The following ARHGEF7 variants were observed in gnomAD, a reference collection of about 807,000 sequenced individuals.
ARHGEF7 encodes the protein PAK-interacting exchange factor beta.
In ARHGEF7, 33 loss-of-function variants were observed where a neutral mutation model predicts 109.8. That is an observed-to-expected ratio of 0.30 (90% confidence interval 0.23 to 0.40). The LOEUF is 0.40. ARHGEF7 is among the 10% of genes least tolerant of loss of function. The pLI, the probability that ARHGEF7 is intolerant of heterozygous loss-of-function variation, is 1.00. For missense variants in ARHGEF7, 938 were observed against 1,098.5 expected, an observed-to-expected ratio of 0.85 and a Z score of 2.07; for synonymous variants, 458 against 424.6, an observed-to-expected ratio of 1.08 and a Z score of -0.97.
At chr13:111,206,323 A>G (rs944155872) in intron 3 of ARHGEF7, among the ~76,000 whole-genome samples, 1 of 151,908 alleles carries the variant, frequency 6.6e-6, no homozygotes, top group Non-Finnish European at 1.5e-5. Context: ...CGGAGGCTTC[A>G]TCGGTGGTGC....
chr13:111,166,753 A>G (rs1427649402), intron 2 of ARHGEF7, among the ~76,000 whole-genome samples: 2 of 152,230 alleles, frequency 1.3e-5, no homozygotes, highest in Non-Finnish European at 1.5e-5. Flanking sequence ...CTCCATCAGG[A>G]TATCTGTGAG....
In ARHGEF7 at chr13:111,301,196, G is replaced by A. The variant is rs1242061536; in HGVS notation, c.2412-282G>A. On this transcript the variant is annotated intron_variant, in intron 20 of 21. Coordinates refer to ENST00000646102, the MANE Select transcript of ARHGEF7 (RefSeq NM_001354046.2). ...ACTCCTGACCTCAGGTGATCTGCCCGCCTCGGCCTCCCAAAATGCTGGGAT... is the reference window on the plus strand; with the variant it reads ...ACTCCTGACCTCAGGTGATCTGCCCACCTCGGCCTCCCAAAATGCTGGGAT... Among the ~76,000 whole-genome samples the A allele has an allele frequency of 3.3e-5, 5 of 152,238 alleles. No homozygotes were observed. In the South Asian group the frequency reaches 8.3e-4, roughly 25 times the overall value.
chr13:111,191,201 G>A lies in ARHGEF7; in HGVS notation c.253-14088G>A, dbSNP rs530186603. On this transcript the variant is annotated intron_variant, in intron 2 of 21. Transcript: ENST00000646102. The stretch of plus-strand genomic sequence containing the variant: ...GTGGACAAGCCGTCCGCATGGAGCT[G>A]TTTGGGTGACTTGGAAGTTACTATG... Among the ~76,000 whole-genome samples, 165 of 152,272 alleles carry A rather than the reference G, an allele frequency of 1.1e-3. No homozygotes were observed. The Middle Eastern group carries it at 0.014, about 13-fold the overall frequency.
chr13:111,170,764 C>A (rs889460945), intron 2 of ARHGEF7, among the ~76,000 whole-genome samples: 1 of 152,126 alleles, frequency 6.6e-6, no homozygotes, highest in Non-Finnish European at 1.5e-5. Context: ...GTGCCCAGGC[C>A]CCTGGAAGCA....
At chr13:111,180,660 C>T (rs529519493) in intron 2 of ARHGEF7, among the ~76,000 whole-genome samples, 1 of 152,242 alleles carries the variant, frequency 6.6e-6, no homozygotes, top group Admixed American at 6.5e-5. Flanking sequence ...TACTAGGTGG[C>T]AGAGTTGGTA....
rs1402597320 is a variant in ARHGEF7 at position 111,305,458 on chromosome 13, G to A, written c.*2345G>A. 1 of 152,268 alleles carries A rather than the reference G, an allele frequency of 6.6e-6. No homozygotes were observed. Among genetic ancestry groups the A allele is most frequent in the African/African-American group, 2.4e-5 (1 of 41,458 alleles). The allele number at this position is 152,268 out of a possible 1,614,324, so 9.4% of individuals were successfully genotyped here. A position where few individuals can be genotyped will look rare whatever the true frequency, so the allele number is the denominator to read the frequency against. ...TGAAGCACTTTCAGTTTTCAGCGAT[G>A]TTGGAATGTAGCATCAGAAGCTCGT... On this transcript the variant is annotated 3_prime_UTR_variant, in exon 22 of 22. Transcript: ENST00000646102.
chr13:111,117,923 G>A (rs2153308356), intron 1 of ARHGEF7, among the ~76,000 whole-genome samples: 1 of 152,360 alleles, frequency 6.6e-6, no homozygotes. Flanking sequence ...AAGCACACAT[G>A]CTGAATAACT....
At chr13:111,141,926 C>A (rs2075368211) in intron 1 of ARHGEF7, among the ~76,000 whole-genome samples, 1 of 152,230 alleles carries the variant, frequency 6.6e-6, no homozygotes, top group Non-Finnish European at 1.5e-5. Context: ...AGTGGCTGCA[C>A]CATTTTGCAT....
At chr13:111,195,572 G>A (rs1415604992) in intron 2 of ARHGEF7, among the ~76,000 whole-genome samples, 1 of 152,210 alleles carries the variant, frequency 6.6e-6, no homozygotes, top group Middle Eastern at 3.2e-3. Flanking sequence ...TGTACACGGG[G>A]CTCAGTGAGG....
chr13:111,132,100 T>C (rs764895792), intron 1 of ARHGEF7, among the ~76,000 whole-genome samples: 4 of 152,206 alleles, frequency 2.6e-5, no homozygotes, highest in Non-Finnish European at 4.4e-5. Flanking sequence ...TGATCTTCAG[T>C]GAGGGTCAGC....
At chr13:111,221,156 T>G (rs1373870206) in intron 5 of ARHGEF7, among the ~76,000 whole-genome samples, 1 of 93,488 alleles carries the variant, frequency 1.1e-5, no homozygotes, top group African/African-American at 4.3e-5. Context: ...TATAGATATA[T>G]ATGTCTATAT....
chr13:111,274,840 T>C (rs781712171), intron 11 of ARHGEF7, 50 bp downstream of exon 11: 5 of 1,209,052 alleles, frequency 4.1e-6, no homozygotes, highest in Non-Finnish European at 5.5e-6. Context: ...TTGTGACAAA[T>C]GAATGTAAAA....
At chr13:111,218,001 G>A in intron 5 of ARHGEF7, 121 bp downstream of exon 5, 3 of 1,036,252 alleles carry the variant, frequency 2.9e-6, no homozygotes, top group South Asian at 2.1e-5. Context: ...TTAGGATACA[G>A]TTTTTTGTTA....
Position 111,242,412 on chromosome 13 carries a change from A to G in ARHGEF7, c.760-1460A>G, listed in dbSNP as rs535878355. ...AAATGTTTAAATTTACATTTGGATT[A>G]TCAAAAATGATGGGGACAGACTGAG... is the stretch of plus-strand genomic sequence containing the variant. On this transcript the variant is annotated intron_variant, in intron 6 of 21. Coordinates refer to ENST00000646102, the MANE Select transcript of ARHGEF7 (RefSeq NM_001354046.2). Among the ~76,000 whole-genome samples, 223 of 152,344 alleles carry G rather than the reference A, an allele frequency of 1.5e-3. 1 individual carries two copies. Among genetic ancestry groups the G allele is most frequent in the African/African-American group, 5.2e-3 (218 of 41,580 alleles).
At position 111,253,230 on chromosome 13, in the gene ARHGEF7, T is replaced by C. The variant is rs2090002519; in HGVS notation, c.950+8936T>C. ...TACTGTAGACCCTGTTACAGTATGA[T>C]TTAGAGAGTCTTTGGACTAGTCTGG... On this transcript the variant is annotated intron_variant, in intron 8 of 21. Coordinates refer to ENST00000646102, the MANE Select transcript of ARHGEF7 (RefSeq NM_001354046.2). Among the ~76,000 whole-genome samples the C allele has an allele frequency of 1.3e-5, 2 of 152,268 alleles. 1 individual carries two copies. Among genetic ancestry groups the C allele is most frequent in the South Asian group, 4.1e-4 (2 of 4,832 alleles).
chr13:111,121,198 C>T (rs1390665427), intron 1 of ARHGEF7, among the ~76,000 whole-genome samples: 1 of 152,176 alleles, frequency 6.6e-6, no homozygotes, highest in African/African-American at 2.4e-5. Context: ...ACCCCAAAGG[C>T]ACCCAGGGTA....
intron 1 of ARHGEF7, among the ~76,000 whole-genome samples, chr13:111,124,151 C>G (rs565790581): frequency 6.6e-6 from 1 of 152,168 alleles, no homozygotes. Flanking sequence ...TGTGAACATT[C>G]ATTACAGTTT....
At position 111,244,282 on chromosome 13, in the gene ARHGEF7, A is replaced by T; in HGVS notation, c.938A>T (p.Glu313Val). 6.3e-7 allele frequency: 1 copy of T among 1,594,816 alleles called. No homozygotes were observed. The highest frequency in any genetic ancestry group is 8.5e-7 in the Non-Finnish European group (1 of 1,171,304). ...CAGCAAATGCTCGTACAGTCTTTAG[A>T]AGAATGCACCAAGTAAGTAAGATGC... The part of the protein sequence containing the change: ...SFQQMLVQSL[E>V]ECTKLPEAQQ... Residue 313 changes from glutamate to valine, a missense_variant, in exon 8 of 22, where the codon GAA (glutamate) becomes GTA (valine). Coordinates refer to ENST00000646102, the MANE Select transcript of ARHGEF7 (RefSeq NM_001354046.2).
chr13:111,265,556 G>C (rs116255708), intron 8 of ARHGEF7: 8,810 of 456,728 alleles, frequency 0.019, 126 homozygotes, highest in Middle Eastern at 0.024. Flanking sequence ...CATGGAGGTG[G>C]AACCGGGAAG....
Sources: allele counts gnomAD v4.1 joint callset (sites outside exome capture counted in the v4.1 genomes callset), GRCh38; gene constraint gnomAD v4.1.1; transcripts MANE v1.5; gene names NCBI Gene and HGNC (gene_info 2026-07-23, HGNC 2026-07-21).